Variants in CDH18 observed in about 807,000 individuals in gnomAD.
CDH18 encodes cadherin 18, also known as cadherin-18.
In CDH18, 31 loss-of-function variants were observed where a neutral mutation model predicts 67.9. That is an observed-to-expected ratio of 0.46 (90% confidence interval 0.34 to 0.62). The LOEUF is 0.62. Ranked by LOEUF, CDH18 falls within the 20% of genes least tolerant of loss-of-function variation. The pLI, the probability that CDH18 is intolerant of heterozygous loss-of-function variation, is 0.01. For missense variants in CDH18, 890 were observed against 975.5 expected, an observed-to-expected ratio of 0.91 and a Z score of 1.17; for synonymous variants, 362 against 347.2, an observed-to-expected ratio of 1.04 and a Z score of -0.48.
At chr5:20,441,910 A>C (rs962666901) in intron 1 of CDH18, among the ~76,000 whole-genome samples, 4 of 151,548 alleles carry the variant, frequency 2.6e-5, no homozygotes, top group Non-Finnish European at 4.4e-5. Context: ...GATTATTAAA[A>C]ATAATGTCTT....
At chr5:19,865,585 T>C (rs1031053401) in intron 2 of CDH18, among the ~76,000 whole-genome samples, 1 of 152,066 alleles carries the variant, frequency 6.6e-6, no homozygotes, top group African/African-American at 2.4e-5. Context: ...TTGTTCCCAC[T>C]GAGAATCCCA....
intron 1 of CDH18, among the ~76,000 whole-genome samples, chr5:20,493,578 G>A (rs2126399803): frequency 6.6e-6 from 1 of 151,986 alleles, no homozygotes; most frequent in East Asian, 2.0e-4. Context: ...GTGACAACAG[G>A]GAAAACTTCA....
chr5:20,124,634 G>A (rs1748668847), intron 2 of CDH18, among the ~76,000 whole-genome samples: 2 of 152,146 alleles, frequency 1.3e-5, no homozygotes, highest in African/African-American at 4.8e-5. Flanking sequence ...AGGTTCATTT[G>A]TTAACAGAAA....
chr5:20,415,322 G>T (rs558324373), intron 1 of CDH18, among the ~76,000 whole-genome samples: 1 of 149,334 alleles, frequency 6.7e-6, no homozygotes, highest in African/African-American at 2.5e-5. Context: ...GGGAGGCGGA[G>T]GTTGCAGTGA....
chr5:19,485,164 TGAAAA>T (rs934093118), intron 11 of CDH18, among the ~76,000 whole-genome samples: 3 of 150,068 alleles, frequency 2.0e-5, no homozygotes, highest in African/African-American at 7.3e-5. Flanking sequence ...ATTGAGTTAC[TGAAAA>T]TCAGAAATAA....
At chr5:20,136,123 C>G (rs1749695224) in intron 2 of CDH18, among the ~76,000 whole-genome samples, 1 of 152,160 alleles carries the variant, frequency 6.6e-6, no homozygotes, top group African/African-American at 2.4e-5. Flanking sequence ...TATTGCAGAG[C>G]TGAGTTCAAT....
intron 1 of CDH18, among the ~76,000 whole-genome samples, chr5:20,429,824 A>G (rs1748598445): frequency 6.6e-6 from 1 of 152,152 alleles, no homozygotes; most frequent in Admixed American, 6.6e-5. Context: ...GTTTTACTCC[A>G]CTCTAATTCC....
intron 1 of CDH18, among the ~76,000 whole-genome samples, chr5:20,359,147 T>C (rs1021051283): frequency 3.3e-5 from 5 of 152,012 alleles, no homozygotes; most frequent in African/African-American, 1.2e-4. Flanking sequence ...GTCAGGCTGG[T>C]CTCAAACTCG....
At position 19,912,458 on chromosome 5, in the gene CDH18, A is replaced by C. The variant is rs553710142; in HGVS notation, c.-257+68602T>G. ...GGCCAGATATCAAACTGGAGTGGGG[A>C]ATCTTGTCAAATGTAGAGAATAAAA... On this transcript the variant is annotated intron_variant, in intron 2 of 12. Transcript: ENST00000382275. Among the ~76,000 whole-genome samples the C allele has an allele frequency of 3.9e-5, 6 of 152,246 alleles. No homozygotes were observed. The East Asian group carries it at 1.2e-3, about 29-fold the overall frequency.
chr5:19,882,505 G>T (rs576737059), intron 2 of CDH18, among the ~76,000 whole-genome samples: 188 of 152,016 alleles, frequency 1.2e-3, no homozygotes, highest in Non-Finnish European at 1.0e-3. Context: ...TTTAAAAATT[G>T]GAAATATTCT....
intron 2 of CDH18, among the ~76,000 whole-genome samples, chr5:20,031,159 C>T (rs1739358188): frequency 6.6e-6 from 1 of 152,054 alleles, no homozygotes; most frequent in African/African-American, 2.4e-5. Flanking sequence ...TTCTGGAGTT[C>T]TGTGAGCTGC....
At chr5:19,803,696 A>G (rs556703360) in intron 3 of CDH18, 1 of 152,218 alleles carries the variant, frequency 6.6e-6, no homozygotes, top group Non-Finnish European at 1.5e-5. Context: ...CATTTTCAAT[A>G]AAATACATTT....
intron 1 of CDH18, among the ~76,000 whole-genome samples, chr5:20,563,338 A>T (rs1266908697): frequency 6.6e-6 from 1 of 152,030 alleles, no homozygotes; most frequent in Non-Finnish European, 1.5e-5. Flanking sequence ...TAGACAAACA[A>T]TTGTTTCTTG....
intron 3 of CDH18, among the ~76,000 whole-genome samples, chr5:19,812,378 T>C (rs1778825914): frequency 6.6e-6 from 1 of 152,154 alleles, no homozygotes; most frequent in African/African-American, 2.4e-5. Flanking sequence ...ACTTGGTGTA[T>C]TATGAAAGTG....
At chr5:19,488,541 T>G (rs956747074) in intron 11 of CDH18, among the ~76,000 whole-genome samples, 1 of 152,136 alleles carries the variant, frequency 6.6e-6, no homozygotes, top group Admixed American at 6.5e-5. Context: ...ATAGGCATGG[T>G]TTCATATTGT....
intron 1 of CDH18, among the ~76,000 whole-genome samples, chr5:20,441,383 T>C (rs1451730394): frequency 6.6e-6 from 1 of 151,882 alleles, no homozygotes; most frequent in Non-Finnish European, 1.5e-5. Flanking sequence ...GTATTGTGTT[T>C]TCACGTGTGT....
At chr5:20,085,954 A>T (rs1744913222) in intron 2 of CDH18, among the ~76,000 whole-genome samples, 1 of 152,230 alleles carries the variant, frequency 6.6e-6, no homozygotes, top group African/African-American at 2.4e-5. Context: ...TTCAACCAAA[A>T]GCTAGAAATG....
intron 8 of CDH18, among the ~76,000 whole-genome samples, chr5:19,546,899 AT>A (rs2127105713): frequency 6.6e-6 from 1 of 152,282 alleles, no homozygotes; most frequent in East Asian, 1.9e-4. Context: ...TGTACATTAA[AT>A]TTTCTAATAA....
chr5:20,313,775 A>G (rs546868722), intron 1 of CDH18, among the ~76,000 whole-genome samples: 1 of 152,008 alleles, frequency 6.6e-6, no homozygotes, highest in Non-Finnish European at 1.5e-5. Flanking sequence ...AACTAGATAT[A>G]TGAATTTGTA....
Sources: allele counts gnomAD v4.1 joint callset (sites outside exome capture counted in the v4.1 genomes callset), GRCh38; gene constraint gnomAD v4.1.1; transcripts MANE v1.5; gene names NCBI Gene and HGNC (gene_info 2026-07-23, HGNC 2026-07-21).